AP1B1: variants seen among roughly 807,000 people sequenced by gnomAD.
The protein encoded by AP1B1 is adaptor related protein complex 1 subunit beta 1, also known as AP-1 complex subunit beta-1.
A neutral mutation model predicts 104.3 loss-of-function variants in AP1B1; 36 were observed. The ratio of observed to expected loss-of-function variants is 0.35; its 90% CI spans 0.26 to 0.46. The LOEUF (loss-of-function observed/expected upper bound fraction) is 0.46, where lower values mean the gene tolerates loss of function less well. AP1B1 is among the 20% of genes least tolerant of loss of function. The probability of loss-of-function intolerance (pLI) is 1.00; values close to 1 mark genes in which losing one functional copy is unlikely to be tolerated. For synonymous variants in AP1B1, 504 were observed against 517.5 expected, an observed-to-expected ratio of 0.97 and a Z score of 0.35; for missense variants, 901 against 1,247.9, an observed-to-expected ratio of 0.72 and a Z score of 4.19.
Position 29,379,760 on chromosome 22 carries a change from A to G in AP1B1, c.-28+8664T>C, listed in dbSNP as rs75930694. ...AAGACAGGTCAGATTTAGAGAGGCA[A>G]GAGTGGAGGTGGCAAAGAGATGCAC... On this transcript the variant is annotated intron_variant, in intron 1 of 22. Transcript: ENST00000357586. 9.0e-3 allele frequency among the ~76,000 whole-genome samples: 1,367 copies of G among 152,338 alleles called. 22 individuals carry two copies. Among genetic ancestry groups the G allele is most frequent in the African/African-American group, 0.031 (1,306 of 41,586 alleles).
At chr22:29,330,085 A>G (rs963435984) in intron 21 of AP1B1, 1 of 1,413,242 alleles carries the variant, frequency 7.1e-7, no homozygotes, top group Non-Finnish European at 9.2e-7. Flanking sequence ...TGTGCCCAGC[A>G]ATGTCACTTC....
intron 3 of AP1B1, among the ~76,000 whole-genome samples, chr22:29,361,778 A>G (rs971714027): frequency 7.9e-5 from 12 of 151,018 alleles, no homozygotes; most frequent in Non-Finnish European, 1.2e-4. Flanking sequence ...GGAAGGAAAC[A>G]CAGGGAAGGC....
chr22:29,374,496 G>C (rs2062300926), intron 1 of AP1B1, among the ~76,000 whole-genome samples: 1 of 152,214 alleles, frequency 6.6e-6, no homozygotes, highest in Non-Finnish European at 1.5e-5. Flanking sequence ...AGAGGATGTG[G>C]ACAGTTCACA....
rs1239340089 is a variant in AP1B1, at chr22:29,351,837, G to A, written c.939-12C>T. 38 of 1,613,810 alleles carry A rather than the reference G, an allele frequency of 2.4e-5. No homozygotes were observed. The highest frequency in any genetic ancestry group is 2.8e-5 in the Non-Finnish European group (33 of 1,179,946). On this transcript the variant is annotated splice_polypyrimidine_tract_variant and intron_variant, in intron 7 of 22. Coordinates refer to ENST00000357586, the MANE Select transcript of AP1B1 (RefSeq NM_001127.4). ...TCAGGATCTCAGGCCTGGTGGTGGG[G>A]CAGGATGCCCGGAGAGCAAAAAACA...
At chr22:29,345,764 A>T (rs2061784169) in intron 11 of AP1B1, among the ~76,000 whole-genome samples, 1 of 152,076 alleles carries the variant, frequency 6.6e-6, no homozygotes, top group African/African-American at 2.4e-5. Flanking sequence ...GGCTTACCGC[A>T]ACCTCCGCCT....
intron 19 of AP1B1, among the ~76,000 whole-genome samples, chr22:29,330,923 C>T (rs1487100478): frequency 6.6e-6 from 1 of 152,148 alleles, no homozygotes; most frequent in Non-Finnish European, 1.5e-5. Context: ...GGCTTCCTGC[C>T]TCCAGGCCTT....
Position 29,377,127 on chromosome 22 carries a change from C to T in AP1B1, c.-27-9857G>A, listed in dbSNP as rs553211422. Among the ~76,000 whole-genome samples the T allele has an allele frequency of 3.3e-5, 4 of 121,838 alleles. No individual in the cohort carries two copies. The East Asian group carries it at 8.6e-4, about 26-fold the overall frequency. The allele number at this position is 121,838 out of a possible 152,430, so 79.9% of individuals were successfully genotyped here. On this transcript the variant is annotated intron_variant, in intron 1 of 22. Transcript: ENST00000357586. ...GGAAGAATCGCTTGAACCTGGGAGG[C>T]GGGGGTTGCAGTAAGCCGAGACCGT...
At position 29,351,836 on chromosome 22, in the gene AP1B1, G is replaced by A; in HGVS notation, c.939-11C>T. Reference sequence around the variant, plus strand: ...TTCAGGATCTCAGGCCTGGTGGTGGGGCAGGATGCCCGGAGAGCAAAAAAC... The same window carrying A: ...TTCAGGATCTCAGGCCTGGTGGTGGAGCAGGATGCCCGGAGAGCAAAAAAC... On this transcript the variant is annotated splice_polypyrimidine_tract_variant and intron_variant, in intron 7 of 22. Coordinates refer to ENST00000357586, the MANE Select transcript of AP1B1 (RefSeq NM_001127.4). The A allele has an allele frequency of 6.2e-7, 1 of 1,613,930 alleles. No homozygotes were observed. The highest frequency in any genetic ancestry group is 8.5e-7 in the Non-Finnish European group (1 of 1,179,932).
In AP1B1 at chr22:29,342,306, C is replaced by T. The variant is rs780330067; in HGVS notation, c.1515G>A (p.Gln505=). The T allele has an allele frequency of 1.9e-6, 3 of 1,614,068 alleles. No homozygotes were observed. Among genetic ancestry groups the T allele is most frequent in the East Asian group, 2.2e-5 (1 of 44,868 alleles). ...KPTETQELVQ[Q]VLSLATQDSD... is the part of the protein sequence containing the mutation. ...CCACCTGAGTGGCCAAACTGAGGAC[C>T]TGCTGCACCAGCTCCTGGGTCTCTG... Residue 505 remains glutamine, a synonymous_variant, in exon 12 of 23, where the codon CAG becomes CAA. Coordinates refer to ENST00000357586, the MANE Select transcript of AP1B1 (RefSeq NM_001127.4).
chr22:29,342,405 A>AG, intron 11 of AP1B1, 22 bp from the exon 12 acceptor site: 1 of 1,603,780 alleles, frequency 6.2e-7, no homozygotes. Flanking sequence ...AGCGGTGACG[A>AG]GGAGGAAGTG....
At chr22:29,347,982 T>C (rs1410614638) in intron 11 of AP1B1, among the ~76,000 whole-genome samples, 3 of 152,216 alleles carry the variant, frequency 2.0e-5, no homozygotes, top group Non-Finnish European at 4.4e-5. Context: ...AAATAAAGCA[T>C]AAATGAATGA....
At chr22:29,332,703 C>T (rs112141643) in intron 17 of AP1B1, among the ~76,000 whole-genome samples, 6,468 of 152,270 alleles carry the variant, frequency 0.042, 183 homozygotes, top group Admixed American at 0.087. Context: ...AGGGTGAGGG[C>T]GCTGCTGAGA....
intron 1 of AP1B1, among the ~76,000 whole-genome samples, chr22:29,369,837 ATTTTTT>A (rs564733165): frequency 1.5e-4 from 18 of 120,186 alleles, no homozygotes; most frequent in African/African-American, 4.6e-4. Flanking sequence ...ATTAAAAACG[ATTTTTT>A]TTTTTTTTTT....
At chr22:29,331,354 C>A in intron 19 of AP1B1, 95 bp downstream of exon 19, 1 of 1,204,256 alleles carries the variant, frequency 8.3e-7, no homozygotes, top group Non-Finnish European at 1.2e-6. Flanking sequence ...ACGGGCAAGG[C>A]AGTCCATCTG....
chr22:29,337,102 A>T (rs1488757734), intron 16 of AP1B1, among the ~76,000 whole-genome samples: 1 of 152,186 alleles, frequency 6.6e-6, no homozygotes, highest in Non-Finnish European at 1.5e-5. Context: ...GCTGGCCCTG[A>T]CACCCCACGC....
chr22:29,356,669 G>C (rs2147995767), intron 5 of AP1B1, 53 bp from the exon 6 acceptor site: 1 of 1,529,388 alleles, frequency 6.5e-7, no homozygotes, highest in Admixed American at 1.7e-5. Flanking sequence ...CACAGGCCAG[G>C]GGGCAGTGCA....
chr22:29,373,312 C>A (rs967088652), intron 1 of AP1B1, among the ~76,000 whole-genome samples: 8 of 152,102 alleles, frequency 5.3e-5, no homozygotes, highest in Non-Finnish European at 1.0e-4. Context: ...ACTGCTGTAC[C>A]TGCTCTTCTG....
In AP1B1 at chr22:29,330,527, C is replaced by A. The variant is rs143578268; in HGVS notation, c.2617G>T (p.Ala873Ser). 2.2e-4 allele frequency: 349 copies of A among 1,610,120 alleles called. No homozygotes were observed. The Middle Eastern group carries it at 3.6e-3, about 17-fold the overall frequency. ...IRDCPLNAEA[A>S]SSKLQSSNIF... Reference sequence around the variant, plus strand: ...TTGCTGCTCTGCAGCTTGCTGCTCGCAGCCTCTGTGGGGTCACATGGCCGT... The same window carrying A: ...TTGCTGCTCTGCAGCTTGCTGCTCGAAGCCTCTGTGGGGTCACATGGCCGT... The change falls in exon 21 of 23, where the codon GCG becomes TCG. Residue 873 changes from alanine (A) to serine (S), a missense_variant. Coordinates refer to ENST00000357586, the MANE Select transcript of AP1B1 (RefSeq NM_001127.4).
intron 1 of AP1B1, among the ~76,000 whole-genome samples, chr22:29,384,858 ACT>A (rs779511087): frequency 2.0e-5 from 3 of 151,832 alleles, no homozygotes; most frequent in South Asian, 2.1e-4. Context: ...AAAAAGCGAG[ACT>A]CTGTCTGGAA....
Sources: allele counts gnomAD v4.1 joint callset (sites outside exome capture counted in the v4.1 genomes callset), GRCh38; gene constraint gnomAD v4.1.1; transcripts MANE v1.5; gene names NCBI Gene and HGNC (gene_info 2026-07-23, HGNC 2026-07-21).